ABLIM3: variants seen among roughly 807,000 people sequenced by gnomAD.
The protein encoded by ABLIM3 is actin-binding LIM protein 3.
In ABLIM3, 61 loss-of-function variants were observed where a neutral mutation model predicts 109.5. The observed-to-expected ratio is 0.56, with a 90% confidence interval of 0.45 to 0.69. ABLIM3 has a LOEUF of 0.69. ABLIM3 is among the 30% of genes least tolerant of loss of function. The probability of loss-of-function intolerance (pLI) is 0.00; values close to 1 mark genes in which losing one functional copy is unlikely to be tolerated. For missense variants in ABLIM3, 796 were observed against 889.5 expected (o/e 0.89, Z 1.34); for synonymous variants, 300 against 324.8 (o/e 0.92, Z 0.82).
chr5:149,195,723 C>T (rs527356987), intron 3 of ABLIM3, among the ~76,000 whole-genome samples: 3 of 152,206 alleles, frequency 2.0e-5, no homozygotes, highest in African/African-American at 4.8e-5. Context: ...ACCACCTGCA[C>T]GGCCCAGAAC....
intron 12 of ABLIM3, 79 bp from the exon 13 acceptor site, chr5:149,239,680 G>A: frequency 6.7e-7 from 1 of 1,497,934 alleles, no homozygotes; most frequent in South Asian, 1.4e-5. Context: ...TCCATGTCAT[G>A]CCCACCTGCC....
At chr5:149,235,832 T>C (rs1253953592) in intron 10 of ABLIM3, among the ~76,000 whole-genome samples, 1 of 152,186 alleles carries the variant, frequency 6.6e-6, no homozygotes, top group African/African-American at 2.4e-5. Flanking sequence ...GAAGGTTTCA[T>C]GACGGAGTTG....
rs1178414247 is a variant in ABLIM3 at position 149,200,445 on chromosome 5, G to T, written c.448+17G>T. The T allele has an allele frequency of 6.2e-7, 1 of 1,609,488 alleles. No individual in the cohort carries two copies. Among genetic ancestry groups the T allele is most frequent in the East Asian group, 2.2e-5 (1 of 44,828 alleles). ...GACCAAGCCGTGAGTCCTCCCCACG[G>T]GTATCTCCCTGTCCATGGGTGTGAT... On this transcript the variant is annotated intron_variant, in intron 5 of 23. Transcript: ENST00000309868.
chr5:149,241,883 G>A (rs1172740462), intron 14 of ABLIM3, among the ~76,000 whole-genome samples: 1 of 152,170 alleles, frequency 6.6e-6, no homozygotes, highest in Non-Finnish European at 1.5e-5. Flanking sequence ...GAAGACAGGG[G>A]CTACAGGACT....
chr5:149,209,315 T>TAGCA (rs1219508330), intron 6 of ABLIM3, among the ~76,000 whole-genome samples: 1 of 152,236 alleles, frequency 6.6e-6, no homozygotes, highest in East Asian at 1.9e-4. Flanking sequence ...ACCTGGCTGC[T>TAGCA]GGCAGAGTGG....
rs372106116 is a variant in ABLIM3, at chr5:149,239,898, G to T, written c.1204+10G>T. The T allele has an allele frequency of 6.3e-7, 1 of 1,597,612 alleles. No individual in the cohort carries two copies. The highest frequency in any genetic ancestry group is 8.5e-7 in the Non-Finnish European group (1 of 1,171,894). On this transcript the variant is annotated intron_variant, in intron 13 of 23. Transcript: ENST00000309868. ...CACTACTACCGCTCTGGTAAGGAAGGGGGAGGACCTGAAGGGAGAGGAAGA... is the reference window on the plus strand; with the variant it reads ...CACTACTACCGCTCTGGTAAGGAAGTGGGAGGACCTGAAGGGAGAGGAAGA...
chr5:149,178,205 G>A (rs1231297034), intron 2 of ABLIM3, among the ~76,000 whole-genome samples: 1 of 152,122 alleles, frequency 6.6e-6, no homozygotes, highest in Admixed American at 6.5e-5. Context: ...TATGTTTCAG[G>A]CAGCTGCTTT....
chr5:149,210,961 G>A, intron 7 of ABLIM3, 142 bp downstream of exon 7: 1 of 740,442 alleles, frequency 1.4e-6, no homozygotes, highest in Admixed American at 2.2e-5. Flanking sequence ...ACATGACCTT[G>A]AGCAGATAAC....
chr5:149,215,152 T>C (rs79543147), intron 7 of ABLIM3, among the ~76,000 whole-genome samples: 231 of 152,248 alleles, frequency 1.5e-3, no homozygotes, highest in Non-Finnish European at 2.6e-3. Flanking sequence ...AGGCTTCAGT[T>C]TTGCCAAGGC....
At chr5:149,233,114 GC>G in intron 9 of ABLIM3, 114 bp from the exon 10 acceptor site, 5 of 899,056 alleles carry the variant, frequency 5.6e-6, no homozygotes, top group Non-Finnish European at 9.2e-6. Context: ...TACAGAAGTA[GC>G]CAGAGAGTAC....
chr5:149,150,719 T>A (rs1360479570), intron 2 of ABLIM3, among the ~76,000 whole-genome samples: 1 of 152,238 alleles, frequency 6.6e-6, no homozygotes, highest in Non-Finnish European at 1.5e-5. Context: ...CAGAAGTATC[T>A]GAACACCTTC....
chr5:149,246,614 AAGC>A (rs1365529167), intron 17 of ABLIM3, 68 bp downstream of exon 17: 6 of 1,521,320 alleles, frequency 3.9e-6, no homozygotes, highest in Non-Finnish European at 5.4e-6. Flanking sequence ...TTTCATTTAC[AAGC>A]AACAAAAAAC....
chr5:149,154,427 G>T (rs1189543630), intron 2 of ABLIM3, among the ~76,000 whole-genome samples: 1 of 152,194 alleles, frequency 6.6e-6, no homozygotes, highest in Non-Finnish European at 1.5e-5. Flanking sequence ...TAGGGAGAAG[G>T]AACTTGAGAG....
intron 5 of ABLIM3, among the ~76,000 whole-genome samples, chr5:149,201,395 G>C (rs562256160): frequency 1.3e-5 from 2 of 152,292 alleles, no homozygotes; most frequent in South Asian, 4.1e-4. Context: ...GCAGGGTGCT[G>C]TTGGCCATGG....
intron 6 of ABLIM3, among the ~76,000 whole-genome samples, chr5:149,209,736 G>A (rs1181305383): frequency 1.3e-5 from 2 of 152,154 alleles, no homozygotes; most frequent in South Asian, 2.1e-4. Flanking sequence ...TGAAAGGGTT[G>A]GGGGAGGTGT....
At chr5:149,160,226 G>A (rs995806989) in intron 2 of ABLIM3, among the ~76,000 whole-genome samples, 1 of 152,088 alleles carries the variant, frequency 6.6e-6, no homozygotes, top group East Asian at 1.9e-4. Flanking sequence ...AGGCCAACGT[G>A]GGTGGATCGC....
intron 17 of ABLIM3, among the ~76,000 whole-genome samples, chr5:149,246,996 A>C (rs1215865355): frequency 1.3e-5 from 2 of 152,280 alleles, no homozygotes; most frequent in Non-Finnish European, 2.9e-5. Context: ...AAATACATAT[A>C]TACTCATATC....
At chr5:149,235,514 G>A (rs1762259099) in intron 10 of ABLIM3, among the ~76,000 whole-genome samples, 1 of 152,140 alleles carries the variant, frequency 6.6e-6, no homozygotes, top group Non-Finnish European at 1.5e-5. Context: ...GTCCAGACCT[G>A]AGGCTCATTT....
At chr5:149,149,982 G>A (rs1437727839) in intron 2 of ABLIM3, among the ~76,000 whole-genome samples, 1 of 152,220 alleles carries the variant, frequency 6.6e-6, no homozygotes, top group Non-Finnish European at 1.5e-5. Flanking sequence ...AAGGCAGCCA[G>A]CCTAGTTCCA....
Sources: gnomAD v4.1 joint callset for allele counts (sites outside exome capture counted in the v4.1 genomes callset) on GRCh38, gnomAD v4.1.1 for gene constraint, MANE v1.5 for transcripts, NCBI Gene and HGNC (gene_info 2026-07-23, HGNC 2026-07-21) for gene names.